The following CAPN5 variants were observed in gnomAD, a reference collection of about 807,000 sequenced individuals.
The protein encoded by CAPN5 is calpain 5.
CAPN5 carries 54 observed loss-of-function variants against 73.0 expected under a neutral mutation model. That is an observed-to-expected ratio of 0.74 (90% confidence interval 0.59 to 0.93). CAPN5 has a LOEUF of 0.93. Ranked by LOEUF, CAPN5 falls within the 40% of genes least tolerant of loss-of-function variation. CAPN5 has a pLI of 0.00. For synonymous variants in CAPN5, 335 were observed against 356.9 expected, an observed-to-expected ratio of 0.94 and a Z score of 0.69; for missense variants, 785 against 882.9, an observed-to-expected ratio of 0.89 and a Z score of 1.41.
In CAPN5 at chr11:77,125,180, G is replaced by A. The variant is rs1406531487; in HGVS notation, c.*1310G>A. 1 of 152,508 alleles carries A rather than the reference G, an allele frequency of 6.6e-6. No homozygotes were observed. Among genetic ancestry groups the A allele is most frequent in the Admixed American group, 6.5e-5 (1 of 15,280 alleles). 9.4% of individuals were successfully genotyped at this position (152,508 alleles called of 1,614,324 possible). ...GACCAGGTGTAGCAAATGAAAAAGT[G>A]CAGTTAATTCAAGAACAGGAATCCC... On this transcript the variant is annotated 3_prime_UTR_variant, in exon 13 of 13. Coordinates refer to ENST00000648180, the MANE Select transcript of CAPN5 (RefSeq NM_004055.5).
intron 3 of CAPN5, among the ~76,000 whole-genome samples, chr11:77,099,522 G>A (rs1185042061): frequency 9.9e-5 from 15 of 151,310 alleles, no homozygotes; most frequent in Non-Finnish European, 1.9e-4. Context: ...GCGGTTAGGG[G>A]CTGGAGACCG....
At chr11:77,073,430 T>TCC in intron 1 of CAPN5, among the ~76,000 whole-genome samples, 1 of 152,298 alleles carries the variant, frequency 6.6e-6, no homozygotes, top group Middle Eastern at 3.4e-3. Context: ...TCCCTCCTGC[T>TCC]CACAGCACCC....
chr11:77,112,056 A>G (rs1490342895), intron 3 of CAPN5, among the ~76,000 whole-genome samples: 1 of 152,136 alleles, frequency 6.6e-6, no homozygotes, highest in Non-Finnish European at 1.5e-5. Context: ...GCGAGAGTAG[A>G]TGTAGCTGCA....
At chr11:77,080,515 T>C (rs1199077106) in intron 1 of CAPN5, among the ~76,000 whole-genome samples, 1 of 152,226 alleles carries the variant, frequency 6.6e-6, no homozygotes, top group Non-Finnish European at 1.5e-5. Context: ...TTCCTTGGTG[T>C]TCCCATCTAC....
At chr11:77,069,634 C>T (rs1949881742) in intron 1 of CAPN5, among the ~76,000 whole-genome samples, 1 of 152,112 alleles carries the variant, frequency 6.6e-6, no homozygotes, top group African/African-American at 2.4e-5. Flanking sequence ...AGAGCAGGGT[C>T]TGCAACACCC....
chr11:77,079,224 G>T (rs1950004130), intron 1 of CAPN5, among the ~76,000 whole-genome samples: 1 of 151,938 alleles, frequency 6.6e-6, no homozygotes. Context: ...GAGTAGCTGG[G>T]ACTACAGGCA....
chr11:77,093,646 T>C (rs1555036954), intron 2 of CAPN5, 36 bp from the exon 3 acceptor site: 1 of 1,537,462 alleles, frequency 6.5e-7, no homozygotes, highest in South Asian at 1.2e-5. Context: ...CGCATGCTCC[T>C]CCGCCCCTCA....
intron 3 of CAPN5, among the ~76,000 whole-genome samples, chr11:77,094,523 C>T (rs1423798103): frequency 1.3e-5 from 2 of 152,256 alleles, no homozygotes; most frequent in Non-Finnish European, 2.9e-5. Context: ...GGAGTGGAGG[C>T]AGACCCTGGC....
intron 10 of CAPN5, 73 bp downstream of exon 10, chr11:77,120,982 C>A: frequency 7.1e-7 from 1 of 1,414,750 alleles, no homozygotes; most frequent in Non-Finnish European, 9.8e-7. Context: ...GAACCTGCAG[C>A]CTCAGAGATG....
At chr11:77,122,920 G>A (rs2135491340) in intron 12 of CAPN5, among the ~76,000 whole-genome samples, 1 of 152,344 alleles carries the variant, frequency 6.6e-6, no homozygotes, top group South Asian at 2.1e-4. Context: ...GGATTAGTTG[G>A]TGTGGTCCTG....
chr11:77,105,267 C>G (rs1199222088), intron 3 of CAPN5, among the ~76,000 whole-genome samples: 1 of 152,030 alleles, frequency 6.6e-6, no homozygotes, highest in African/African-American at 2.4e-5. Context: ...CTCACGGCCC[C>G]GAGCACTTGC....
chr11:77,097,469 T>TTTTTG (rs1346112066), intron 3 of CAPN5, among the ~76,000 whole-genome samples: 2 of 136,590 alleles, frequency 1.5e-5, no homozygotes, highest in East Asian at 4.0e-4. Context: ...TTCTAGTTTT[T>TTTTTG]TTTTTTTTTT....
chr11:77,068,456 G>A (rs942604475), intron 1 of CAPN5, among the ~76,000 whole-genome samples: 4 of 152,146 alleles, frequency 2.6e-5, no homozygotes, highest in Admixed American at 6.5e-5. Context: ...TTGCAGATTC[G>A]TTGGGGCTGG....
At chr11:77,087,352 T>C (rs1240120025) in intron 2 of CAPN5, among the ~76,000 whole-genome samples, 1 of 152,164 alleles carries the variant, frequency 6.6e-6, no homozygotes, top group Non-Finnish European at 1.5e-5. Flanking sequence ...AGAGGGAACT[T>C]TGGCCTCAGG....
At chr11:77,095,753 C>T (rs1166981025) in intron 3 of CAPN5, among the ~76,000 whole-genome samples, 2 of 152,236 alleles carry the variant, frequency 1.3e-5, no homozygotes, top group Non-Finnish European at 2.9e-5. Context: ...TGCAGCTCCA[C>T]CTCTCAACAG....
At chr11:77,103,117 A>G in intron 3 of CAPN5, 1 of 1,613,720 alleles carries the variant, frequency 6.2e-7, no homozygotes, top group Non-Finnish European at 8.5e-7. Flanking sequence ...GACCTCACCA[A>G]CCTCATGACA....
intron 3 of CAPN5, among the ~76,000 whole-genome samples, chr11:77,104,911 T>G (rs1950327999): frequency 1.3e-5 from 2 of 152,096 alleles, no homozygotes; most frequent in African/African-American, 4.8e-5. Context: ...GGAGCTGAGA[T>G]TCTGTGGGTG....
At position 77,092,369 on chromosome 11, in the gene CAPN5, C is replaced by T. The variant is rs1247724999; in HGVS notation, c.166-1313C>T. On this transcript the variant is annotated intron_variant, in intron 2 of 12. Coordinates refer to ENST00000648180, the MANE Select transcript of CAPN5 (RefSeq NM_004055.5). Reference sequence around the variant, plus strand: ...CAGTCTCCAGTCTGAAGCCAAAGCCCATGCTTTTCCCTTTCACAGCACTGC... The same window carrying T: ...CAGTCTCCAGTCTGAAGCCAAAGCCTATGCTTTTCCCTTTCACAGCACTGC... Among the ~76,000 whole-genome samples the T allele has an allele frequency of 3.3e-5, 5 of 152,240 alleles. No individual in the cohort carries two copies. The East Asian group carries it at 7.7e-4, about 23-fold the overall frequency.
intron 1 of CAPN5, among the ~76,000 whole-genome samples, chr11:77,075,636 C>A (rs1369711341): frequency 6.6e-6 from 1 of 152,218 alleles, no homozygotes; most frequent in Admixed American, 6.5e-5. Context: ...TGGGTTACCA[C>A]ATTCAGCCAG....
Sources: allele counts gnomAD v4.1 joint callset (sites outside exome capture counted in the v4.1 genomes callset), GRCh38; gene constraint gnomAD v4.1.1; transcripts MANE v1.5; gene names NCBI Gene and HGNC (gene_info 2026-07-23, HGNC 2026-07-21).